BRD3: variants seen among roughly 807,000 people sequenced by gnomAD.
The protein encoded by BRD3 is bromodomain-containing protein 3.
In BRD3, 17 loss-of-function variants were observed where a neutral mutation model predicts 66.8. That is an observed-to-expected ratio of 0.25 (90% CI 0.17 to 0.38). The LOEUF is 0.38. Among genes scored for constraint, BRD3 ranks in the 10% least tolerant of loss-of-function variants. The pLI is 1.00. For missense variants in BRD3, 713 were observed against 956.1 expected (o/e 0.75, Z 3.35); for synonymous variants, 421 against 393.2 (o/e 1.07, Z -0.84).
Position 134,031,844 on chromosome 9 carries a change from G to T in BRD3, c.*1746C>A. ...ACCACACCACAGCTCCATACCCAGC[G>T]TCTGCCTGGAGGCTCCCCCACGCTG... On this transcript the variant is annotated 3_prime_UTR_variant, in exon 12 of 12. Transcript: ENST00000303407. The T allele has an allele frequency of 4.5e-6, 1 of 222,242 alleles. No homozygotes were observed. The highest frequency in any genetic ancestry group is 6.5e-5 in the East Asian group (1 of 15,304). The allele number at this position is 222,242 out of a possible 1,614,324, so 13.8% of individuals were successfully genotyped here.
chr9:134,048,273 G>A lies in BRD3; in HGVS notation c.896C>T (p.Pro299Leu). The A allele has an allele frequency of 6.2e-7, 1 of 1,608,684 alleles. No homozygotes were observed. Among genetic ancestry groups the A allele is most frequent in the Non-Finnish European group, 8.5e-7 (1 of 1,178,664 alleles). Residue 299 changes from proline (P) to leucine (L), a missense_variant, in exon 6 of 12, where the codon CCC becomes CTC. Pro to Leu is a moderately conservative substitution (Grantham distance 98, BLOSUM62 -3). Transcript: ENST00000303407. ...PKKDLEDGEV[P>L]QHAGKKGKLS... is the part of the protein sequence containing the mutation. ...CTTGCCCTTCTTGCCTGCGTGCTGG[G>A]GCACCTCGCCGTCCTCCAGGTCCTT...
At chr9:134,042,800 C>T (rs201855621) in intron 7 of BRD3, among the ~76,000 whole-genome samples, 1 of 72,480 alleles carries the variant, frequency 1.4e-5, no homozygotes, top group Admixed American at 1.4e-4. Context: ...TATACACACA[C>T]ACACACACAC....
rs1830148467 is a variant in BRD3 at position 134,045,512 on chromosome 9, G to A, written c.1087-91C>T. On this transcript the variant is annotated intron_variant, in intron 6 of 11. Transcript: ENST00000303407. This position sits in a 1 kb window ranked among gnomAD's most constrained non-coding sequence, Gnocchi z 4.8. ...CACGAGATGAACTCTGGAGCCTCAG[G>A]AGCCACTGCCAGCTCCAGGGCAGTG... is the stretch of plus-strand genomic sequence containing the variant. The A allele has an allele frequency of 1.3e-6, 2 of 1,570,786 alleles. No individual in the cohort carries two copies. Among genetic ancestry groups the A allele is most frequent in the South Asian group, 1.1e-5 (1 of 87,194 alleles).
At chr9:134,041,194 T>C (rs1830039328) in intron 8 of BRD3, among the ~76,000 whole-genome samples, 1 of 152,230 alleles carries the variant, frequency 6.6e-6, no homozygotes, top group African/African-American at 2.4e-5. Flanking sequence ...AAATCATGCA[T>C]CTGGCTGGCT....
At chr9:134,064,287 G>C (rs1315672946) in intron 1 of BRD3, among the ~76,000 whole-genome samples, 1 of 152,120 alleles carries the variant, frequency 6.6e-6, no homozygotes, top group East Asian at 1.9e-4. Context: ...CAGCACTTTG[G>C]GAGGCTGAGA....
At position 134,052,393 on chromosome 9, in the gene BRD3, CTTCTT is replaced by C; in HGVS notation, c.259_263del (p.Lys87GlufsTer5). ...TCCAATAATAATTATTTTCTAGTCT[CTTCTT>C]AATAGTCCCCATATCCATTGGGTTT... On this transcript the variant is annotated frameshift_variant, in exon 3 of 12. Transcript: ENST00000303407. LOFTEE classifies it high-confidence loss of function. The C allele has an allele frequency of 6.2e-7, 1 of 1,612,754 alleles. No individual in the cohort carries two copies. The highest frequency in any genetic ancestry group is 1.1e-5 in the South Asian group (1 of 91,082).
At chr9:134,059,694 C>G (rs1254960353) in intron 1 of BRD3, among the ~76,000 whole-genome samples, 1 of 152,216 alleles carries the variant, frequency 6.6e-6, no homozygotes, top group African/African-American at 2.4e-5. Context: ...CGAGAAGGGT[C>G]TGTGAGCATG....
At chr9:134,062,645 G>A (rs562659161) in intron 1 of BRD3, among the ~76,000 whole-genome samples, 1 of 152,280 alleles carries the variant, frequency 6.6e-6, no homozygotes, top group African/African-American at 2.4e-5. Flanking sequence ...GAATAGAGAG[G>A]ACTCAAAGGA....
At chr9:134,041,593 C>T (rs1342019260) in intron 8 of BRD3, among the ~76,000 whole-genome samples, 167 bp downstream of exon 8, 1 of 152,266 alleles carries the variant, frequency 6.6e-6, no homozygotes, top group Non-Finnish European at 1.5e-5. Flanking sequence ...GCTCGCACCA[C>T]CCCAGACCTG....
chr9:134,051,547 C>G lies in BRD3; in HGVS notation c.499+15G>C. The G allele has an allele frequency of 1.3e-6, 2 of 1,527,146 alleles. No individual in the cohort carries two copies. Among genetic ancestry groups the G allele is most frequent in the Admixed American group, 2.5e-5 (1 of 39,874 alleles). The allele number at this position is 1,527,146 out of a possible 1,614,324, so 94.6% of individuals were successfully genotyped here. ...CAGAGAGGCCCAGCCCCTCGCCTGCCCCAGCTCCCTTTACCTGCGCTCTGG... is the reference window on the plus strand; with the variant it reads ...CAGAGAGGCCCAGCCCCTCGCCTGCGCCAGCTCCCTTTACCTGCGCTCTGG... On this transcript the variant is annotated intron_variant, in intron 4 of 11. Coordinates refer to ENST00000303407, the MANE Select transcript of BRD3 (RefSeq NM_007371.4).
intron 1 of BRD3, chr9:134,056,101 C>T (rs994528405): frequency 2.6e-5 from 4 of 152,352 alleles, no homozygotes; most frequent in African/African-American, 9.6e-5. Context: ...CCAGGCTCTG[C>T]TTGGCACCAG....
intron 2 of BRD3, among the ~76,000 whole-genome samples, chr9:134,052,819 G>A (rs917768606): frequency 2.6e-5 from 4 of 152,212 alleles, no homozygotes; most frequent in African/African-American, 9.6e-5. Context: ...GCAATGCTCA[G>A]GGTTTGTCTA....
At chr9:134,043,719 G>C (rs1285945608) in intron 7 of BRD3, among the ~76,000 whole-genome samples, 1 of 152,092 alleles carries the variant, frequency 6.6e-6, no homozygotes, top group Non-Finnish European at 1.5e-5. Flanking sequence ...ATCAGCCTCA[G>C]GGTCTCCTCT....
chr9:134,037,086 T>TA (rs1021979751), intron 9 of BRD3, among the ~76,000 whole-genome samples: 17 of 151,984 alleles, frequency 1.1e-4, no homozygotes, highest in African/African-American at 3.4e-4. Context: ...CAGGTTGGAT[T>TA]AAAAAAACAA....
rs1279940995 is a variant in BRD3, at chr9:134,033,163, C to T, written c.*427G>A. 2.7e-5 allele frequency: 11 copies of T among 401,100 alleles called. No individual in the cohort carries two copies. Among genetic ancestry groups the T allele is most frequent in the Non-Finnish European group, 4.8e-5 (11 of 227,796 alleles). The allele number at this position is 401,100 out of a possible 1,614,324, so 24.8% of individuals were successfully genotyped here. On this transcript the variant is annotated 3_prime_UTR_variant, in exon 12 of 12. Coordinates refer to ENST00000303407, the MANE Select transcript of BRD3 (RefSeq NM_007371.4). The surrounding 1 kb of genome is among the most constrained non-coding windows in gnomAD (Gnocchi z 5.1). ...CGGGGCCCAAATGACAAGGACAATG[C>T]GTGTTGACAAAGCTAACAGCTTTCA...
intron 1 of BRD3, among the ~76,000 whole-genome samples, chr9:134,059,566 G>T (rs1343791925): frequency 1.3e-5 from 2 of 152,262 alleles, no homozygotes. Flanking sequence ...TGCAGCAGAA[G>T]GGGGTGTGGT....
chr9:134,036,575 A>C, intron 9 of BRD3: 1 of 1,610,648 alleles, frequency 6.2e-7, no homozygotes, highest in Non-Finnish European at 8.5e-7. Context: ...CAAACTCCAC[A>C]GGTCAAGAAA....
intron 6 of BRD3, 51 bp downstream of exon 6, chr9:134,048,032 G>A (rs375643536): frequency 5.2e-5 from 78 of 1,496,734 alleles, no homozygotes; most frequent in South Asian, 1.8e-4. Flanking sequence ...CAGCACCCAC[G>A]GCAGAGCCGC....
At chr9:134,042,646 T>C (rs2858461) in intron 7 of BRD3, among the ~76,000 whole-genome samples, 35,331 of 135,174 alleles carry the variant, frequency 0.26, 4,938 homozygotes, top group Non-Finnish European at 0.32. Flanking sequence ...CAAATATATA[T>C]ACACACACAC....
Sources: gnomAD v4.1 joint callset for allele counts (sites outside exome capture counted in the v4.1 genomes callset) on GRCh38, gnomAD v4.1.1 for gene constraint, Gnocchi (gnomAD v3.1) non-coding constraint, MANE v1.5 for transcripts, NCBI Gene and HGNC (gene_info 2026-07-23, HGNC 2026-07-21) for gene names.